Variants in BRD10 observed in about 807,000 individuals in gnomAD.
The protein encoded by BRD10 is uncharacterized bromodomain-containing protein 10.
the BRD10 span, among the ~76,000 whole-genome samples, chr9:5,983,133 C>T: frequency 6.6e-6 from 1 of 152,098 alleles, no homozygotes; most frequent in Non-Finnish European, 1.5e-5. Flanking sequence ...GGTAGCAATT[C>T]GGACAGCCAC....
At chr9:5,999,960 T>A in the BRD10 span, among the ~76,000 whole-genome samples, 1 of 152,224 alleles carries the variant, frequency 6.6e-6, no homozygotes, top group Admixed American at 6.5e-5. Context: ...ATGTTGTCTG[T>A]GTTCAATTTT....
At chr9:5,897,689 T>C in the BRD10 span, 1 of 1,534,158 alleles carries the variant, frequency 6.5e-7, no homozygotes, top group Non-Finnish European at 9.0e-7. Flanking sequence ...TCCCTCCAAG[T>C]CCAGGGCCCT....
chr9:5,950,860 T>A, the BRD10 span, among the ~76,000 whole-genome samples: 5 of 152,168 alleles, frequency 3.3e-5, no homozygotes, highest in Non-Finnish European at 7.3e-5. Context: ...CTACATTACT[T>A]ATAATACCTA....
At chr9:5,994,650 CCTCTT>C in the BRD10 span, among the ~76,000 whole-genome samples, 19 of 152,160 alleles carry the variant, frequency 1.2e-4, no homozygotes, top group Non-Finnish European at 2.6e-4. Flanking sequence ...ACATGACTAA[CCTCTT>C]CTCTTATCTC....
the BRD10 span, among the ~76,000 whole-genome samples, chr9:5,966,182 G>A: frequency 6.6e-6 from 1 of 152,114 alleles, no homozygotes; most frequent in Non-Finnish European, 1.5e-5. Flanking sequence ...AAGGCTTAGA[G>A]TACTTGCTGA....
chr9:5,920,893 T>C, the BRD10 span: 1 of 1,613,996 alleles, frequency 6.2e-7, no homozygotes. Flanking sequence ...CGAGACTTGA[T>C]GAGCAAAGTC....
At chr9:5,992,749 C>G in the BRD10 span, among the ~76,000 whole-genome samples, 1 of 149,104 alleles carries the variant, frequency 6.7e-6, no homozygotes, top group Admixed American at 6.7e-5. Flanking sequence ...CATGTAAAGT[C>G]TTTTCTGTGT....
At chr9:5,953,378 G>A in the BRD10 span, among the ~76,000 whole-genome samples, 15 of 152,048 alleles carry the variant, frequency 9.9e-5, no homozygotes, top group African/African-American at 3.1e-4. Context: ...TAATTAGGGT[G>A]AGATTCTCTG....
chr9:6,002,011 A>G, the BRD10 span, among the ~76,000 whole-genome samples: 2 of 152,228 alleles, frequency 1.3e-5, no homozygotes, highest in African/African-American at 2.4e-5. Flanking sequence ...TAGATGTCCT[A>G]GCAAAAAAAT....
At chr9:5,977,993 A>G in the BRD10 span, among the ~76,000 whole-genome samples, 5 of 152,252 alleles carry the variant, frequency 3.3e-5, no homozygotes, top group African/African-American at 9.6e-5. Context: ...CAAAAAATTA[A>G]GCCTTCAATG....
the BRD10 span, chr9:5,922,307 G>A: frequency 6.2e-7 from 1 of 1,613,960 alleles, no homozygotes; most frequent in Non-Finnish European, 8.5e-7. Flanking sequence ...ACCTGTGGAG[G>A]AAATGGTCGG....
the BRD10 span, among the ~76,000 whole-genome samples, chr9:5,960,327 C>T: frequency 6.6e-6 from 1 of 152,052 alleles, no homozygotes; most frequent in Non-Finnish European, 1.5e-5. Flanking sequence ...TTTGGGAGGC[C>T]GAGGTGGGCC....
At chr9:5,934,750 C>T in the BRD10 span, among the ~76,000 whole-genome samples, 1 of 152,138 alleles carries the variant, frequency 6.6e-6, no homozygotes, top group Non-Finnish European at 1.5e-5. Context: ...TTAAGGGTCT[C>T]GTGCTCTACT....
At chr9:5,886,602 C>A in the BRD10 span, among the ~76,000 whole-genome samples, 1 of 152,180 alleles carries the variant, frequency 6.6e-6, no homozygotes, top group Non-Finnish European at 1.5e-5. Flanking sequence ...TCTAGAGCTC[C>A]TGCTGTTAGT....
At chr9:5,920,013 G>C in the BRD10 span, 1 of 1,613,994 alleles carries the variant, frequency 6.2e-7, no homozygotes, top group Non-Finnish European at 8.5e-7. Flanking sequence ...ACAGGAGGTG[G>C]AACAGGAACC....
the BRD10 span, among the ~76,000 whole-genome samples, chr9:5,917,152 T>C: frequency 6.6e-6 from 1 of 152,174 alleles, no homozygotes; most frequent in African/African-American, 2.4e-5. Context: ...ATTGATAAGG[T>C]TCCTGAAATT....
At chr9:5,951,788 T>C in the BRD10 span, among the ~76,000 whole-genome samples, 1 of 151,176 alleles carries the variant, frequency 6.6e-6, no homozygotes, top group Admixed American at 6.5e-5. Flanking sequence ...CTATCTCCTA[T>C]TTTATTAATG....
chr9:5,950,631 A>G, the BRD10 span, among the ~76,000 whole-genome samples: 2 of 152,122 alleles, frequency 1.3e-5, no homozygotes, highest in South Asian at 4.1e-4. Flanking sequence ...TATACTATCT[A>G]AAGTTTGAGA....
chr9:5,935,037 A>T, the BRD10 span, among the ~76,000 whole-genome samples: 35 of 152,290 alleles, frequency 2.3e-4, no homozygotes, highest in African/African-American at 7.9e-4. Context: ...TGGGGGTAAA[A>T]CATCATGTTA....
Sources: gnomAD v4.1 joint callset for allele counts (sites outside exome capture counted in the v4.1 genomes callset) on GRCh38, gnomAD v4.1.1 for gene constraint, MANE v1.5 for transcripts, NCBI Gene and HGNC (gene_info 2026-07-23, HGNC 2026-07-21) for gene names.